MMP26: variants seen among roughly 807,000 people sequenced by gnomAD.
MMP26 encodes matrix metallopeptidase 26, also known as matrix metalloproteinase-26.
Under a neutral mutation model 31.0 loss-of-function variants are expected in MMP26, and 33 were observed. The ratio of observed to expected loss-of-function variants is 1.06; its 90% CI spans 0.81 to 1.42. MMP26 has a LOEUF of 1.42. Among genes scored for constraint, MMP26 ranks in the 40% most tolerant of loss-of-function variants. The pLI is 0.00. For missense variants in MMP26, 347 were observed against 316.1 expected, an observed-to-expected ratio of 1.10 and a Z score of -0.74; for synonymous variants, 122 against 114.9, an observed-to-expected ratio of 1.06 and a Z score of -0.40.
chr11:4,818,599 A>G (rs1200102105), intron 2 of MMP26, among the ~76,000 whole-genome samples: 1 of 152,084 alleles, frequency 6.6e-6, no homozygotes, highest in Non-Finnish European at 1.5e-5. Context: ...TTTAATTATA[A>G]TCCCAGCTTC....
intron 2 of MMP26, among the ~76,000 whole-genome samples, chr11:4,810,625 A>G (rs945356921): frequency 6.6e-6 from 1 of 152,326 alleles, no homozygotes; most frequent in South Asian, 2.1e-4. Context: ...CGATTAGAGT[A>G]TCAGTGTTTA....
At chr11:4,955,729 C>T (rs147937034) in intron 2 of MMP26, 36,648 of 1,567,100 alleles carry the variant, frequency 0.023, 594 homozygotes, top group Non-Finnish European at 0.026. Context: ...ATTCATAGGG[C>T]TCTGCTATGA....
At chr11:4,962,369 T>G (rs1474292321) in intron 2 of MMP26, among the ~76,000 whole-genome samples, 1 of 152,218 alleles carries the variant, frequency 6.6e-6, no homozygotes, top group Non-Finnish European at 1.5e-5. Context: ...TATGAAATTA[T>G]AGATTTTTAG....
intron 2 of MMP26, among the ~76,000 whole-genome samples, chr11:4,917,114 T>C (rs1851106541): frequency 6.6e-6 from 1 of 151,746 alleles, no homozygotes; most frequent in South Asian, 2.1e-4. Context: ...AATCCAGTAT[T>C]TAGAACATGC....
intron 2 of MMP26, among the ~76,000 whole-genome samples, chr11:4,833,709 G>A (rs934998925): frequency 6.6e-5 from 10 of 152,098 alleles, no homozygotes; most frequent in African/African-American, 2.2e-4. Flanking sequence ...CACTTTTCTT[G>A]GGTGATGTGA....
chr11:4,880,207 C>T (rs984087697), intron 2 of MMP26, among the ~76,000 whole-genome samples: 7 of 152,046 alleles, frequency 4.6e-5, no homozygotes, highest in African/African-American at 1.2e-4. Context: ...ATAAAGCCCT[C>T]GCTTTTGGAA....
At chr11:4,729,926 G>A (rs1848150768) in intron 1 of MMP26, among the ~76,000 whole-genome samples, 1 of 148,494 alleles carries the variant, frequency 6.7e-6, no homozygotes, top group African/African-American at 2.4e-5. Context: ...CTCATACAAG[G>A]TAGTGAGGAA....
Position 4,751,041 on chromosome 11 carries a change from T to A in MMP26, c.-216-16229T>A, listed in dbSNP as rs143648384. ...GCAGTTTGGAAAGTTAGAACTATGATCAATTACCAGATAATATAGGCAGAA... is the reference window on the plus strand; with the variant it reads ...GCAGTTTGGAAAGTTAGAACTATGAACAATTACCAGATAATATAGGCAGAA... On this transcript the variant is annotated intron_variant, in intron 1 of 7. Coordinates refer to ENST00000380390, the MANE Select transcript of MMP26 (RefSeq NM_021801.5). Among the ~76,000 whole-genome samples, 40 of 152,210 alleles carry A rather than the reference T, an allele frequency of 2.6e-4. No homozygotes were observed. In the East Asian group the frequency reaches 7.1e-3, roughly 27 times the overall value.
chr11:4,907,134 G>A (rs1018067719), intron 2 of MMP26, among the ~76,000 whole-genome samples: 6 of 98,990 alleles, frequency 6.1e-5, no homozygotes, highest in Admixed American at 1.9e-4. Flanking sequence ...ATCCTAAAAA[G>A]TCACCAACTT....
chr11:4,793,241 A>G (rs1431194321), intron 2 of MMP26, among the ~76,000 whole-genome samples: 1 of 152,142 alleles, frequency 6.6e-6, no homozygotes, highest in Non-Finnish European at 1.5e-5. Context: ...ATTTCATCGG[A>G]TATTACCCCT....
At chr11:4,885,367 C>T (rs1264041534) in intron 2 of MMP26, among the ~76,000 whole-genome samples, 3 of 152,148 alleles carry the variant, frequency 2.0e-5, no homozygotes, top group African/African-American at 7.2e-5. Flanking sequence ...CAATGGGCCT[C>T]ATATGCCACA....
chr11:4,747,683 C>T (rs1848398606), intron 1 of MMP26, among the ~76,000 whole-genome samples: 1 of 151,964 alleles, frequency 6.6e-6, no homozygotes, highest in South Asian at 2.1e-4. Context: ...CTAGAGAACT[C>T]TAAGGAAACT....
intron 2 of MMP26, among the ~76,000 whole-genome samples, chr11:4,819,497 A>T (rs1328882602): frequency 2.0e-5 from 3 of 150,982 alleles, no homozygotes; most frequent in African/African-American, 7.3e-5. Context: ...AGGGAGAGAA[A>T]ATTTCCAGAA....
At chr11:4,720,454 C>T (rs940088640) in intron 1 of MMP26, among the ~76,000 whole-genome samples, 16 of 152,014 alleles carry the variant, frequency 1.1e-4, no homozygotes, top group Non-Finnish European at 2.1e-4. Context: ...ATATGCTATT[C>T]GGGTCTAGAT....
chr11:4,958,442 C>T (rs935642391), intron 2 of MMP26, among the ~76,000 whole-genome samples: 2 of 152,126 alleles, frequency 1.3e-5, no homozygotes, highest in Admixed American at 6.5e-5. Flanking sequence ...TTCTATAGAA[C>T]AAGTTCAGAT....
At chr11:4,990,170 C>T (rs1338364331) in intron 4 of MMP26, among the ~76,000 whole-genome samples, 1 of 152,086 alleles carries the variant, frequency 6.6e-6, no homozygotes, top group Non-Finnish European at 1.5e-5. Context: ...TTAATTTCTG[C>T]CTAGGTTACT....
At chr11:4,973,680 C>T in intron 2 of MMP26, 1 of 175,802 alleles carries the variant, frequency 5.7e-6, no homozygotes. Flanking sequence ...TCAGAGAGAG[C>T]CAACATGGAG....
At chr11:4,968,407 G>A (rs1279029562) in intron 2 of MMP26, among the ~76,000 whole-genome samples, 1 of 151,784 alleles carries the variant, frequency 6.6e-6, no homozygotes, top group East Asian at 1.9e-4. Flanking sequence ...GGCCCTCTGG[G>A]AAATCTCAAG....
At chr11:4,801,368 C>T (rs1589904617) in intron 2 of MMP26, among the ~76,000 whole-genome samples, 1 of 152,052 alleles carries the variant, frequency 6.6e-6, no homozygotes, top group East Asian at 1.9e-4. Flanking sequence ...GCAGGCTGCA[C>T]AAGCATGGGT....
Sources: gnomAD v4.1 joint callset for allele counts (sites outside exome capture counted in the v4.1 genomes callset) on GRCh38, gnomAD v4.1.1 for gene constraint, MANE v1.5 for transcripts, NCBI Gene and HGNC (gene_info 2026-07-23, HGNC 2026-07-21) for gene names.